GRID2: variants seen among roughly 807,000 people sequenced by gnomAD.
GRID2 encodes the protein glutamate ionotropic receptor delta type subunit 2.
In GRID2, 33 loss-of-function variants were observed where a neutral mutation model predicts 114.8. The observed-to-expected ratio is 0.29, with a 90% confidence interval of 0.22 to 0.38. The LOEUF is 0.38. Among genes scored for constraint, GRID2 ranks in the 10% least tolerant of loss-of-function variants. The pLI, the probability that GRID2 is intolerant of heterozygous loss-of-function variation, is 1.00. For synonymous variants in GRID2, 505 were observed against 449.9 expected (o/e 1.12, Z -1.55); for missense variants, 1,184 against 1,257.7 (o/e 0.94, Z 0.89).
intron 2 of GRID2, among the ~76,000 whole-genome samples, chr4:92,656,944 C>T (rs1732273424): frequency 6.6e-6 from 1 of 151,518 alleles, no homozygotes; most frequent in Non-Finnish European, 1.5e-5. Flanking sequence ...ATAGAGGATG[C>T]TAAAACAGAA....
At chr4:93,713,378 T>C (rs1046369689) in intron 14 of GRID2, among the ~76,000 whole-genome samples, 10 of 152,214 alleles carry the variant, frequency 6.6e-5, no homozygotes, top group Non-Finnish European at 1.2e-4. Context: ...AAAAAAATAG[T>C]TGGGGAGTTC....
intron 1 of GRID2, among the ~76,000 whole-genome samples, chr4:92,374,442 G>A (rs1346506993): frequency 6.6e-6 from 1 of 152,036 alleles, no homozygotes; most frequent in Admixed American, 6.6e-5. Context: ...TTTCTTAAAT[G>A]GGTTTTATTG....
At chr4:92,870,098 G>A (rs1745163591) in intron 2 of GRID2, among the ~76,000 whole-genome samples, 1 of 151,862 alleles carries the variant, frequency 6.6e-6, no homozygotes, top group Non-Finnish European at 1.5e-5. Context: ...CTACTTGGAA[G>A]ACTGAGGCAG....
intron 1 of GRID2, among the ~76,000 whole-genome samples, chr4:92,388,664 T>C (rs1282439597): frequency 6.6e-6 from 1 of 152,062 alleles, no homozygotes; most frequent in Non-Finnish European, 1.5e-5. Flanking sequence ...ACACTAAATA[T>C]TGAGAACTCC....
chr4:93,228,621 A>G (rs185002628), intron 7 of GRID2, among the ~76,000 whole-genome samples: 2 of 152,302 alleles, frequency 1.3e-5, no homozygotes, highest in Admixed American at 1.3e-4. Context: ...TGAAAAATGA[A>G]TAAGTCTAAT....
intron 2 of GRID2, among the ~76,000 whole-genome samples, chr4:92,608,315 A>T (rs1729561020): frequency 6.6e-6 from 1 of 151,844 alleles, no homozygotes; most frequent in South Asian, 2.1e-4. Flanking sequence ...ATTAATAAAG[A>T]TATCAATCTT....
intron 2 of GRID2, among the ~76,000 whole-genome samples, chr4:92,767,803 G>T (rs1738338987): frequency 6.6e-6 from 1 of 151,944 alleles, no homozygotes; most frequent in Non-Finnish European, 1.5e-5. Context: ...CTACTGGGAG[G>T]GTTGTGGCAG....
chr4:92,782,398 A>AGG (rs750285336), intron 2 of GRID2, among the ~76,000 whole-genome samples: 15 of 152,112 alleles, frequency 9.9e-5, no homozygotes, highest in Admixed American at 2.0e-4. Context: ...CCATTTTACA[A>AGG]AATCAAGATG....
chr4:92,883,006 A>T (rs1188641513), intron 2 of GRID2, among the ~76,000 whole-genome samples: 5 of 152,274 alleles, frequency 3.3e-5, no homozygotes, highest in African/African-American at 1.2e-4. Context: ...TGCCACATTG[A>T]TTGACTCTTC....
At chr4:92,643,226 C>G (rs1442446926) in intron 2 of GRID2, among the ~76,000 whole-genome samples, 1 of 151,640 alleles carries the variant, frequency 6.6e-6, no homozygotes, top group African/African-American at 2.4e-5. Flanking sequence ...TTCTTCTAAT[C>G]CATGAACATG....
chr4:92,892,274 G>A (rs544275433), intron 2 of GRID2, among the ~76,000 whole-genome samples: 1 of 151,946 alleles, frequency 6.6e-6, no homozygotes, highest in Non-Finnish European at 1.5e-5. Context: ...ATGTTGGCCT[G>A]GCTGGTCTTG....
chr4:92,565,305 G>A lies in GRID2; in HGVS notation c.89-24826G>A, dbSNP rs114370062. Among the ~76,000 whole-genome samples, 1,018 of 152,024 alleles carry A rather than the reference G, an allele frequency of 6.7e-3. 11 individuals carry two copies. Among genetic ancestry groups the A allele is most frequent in the African/African-American group, 0.021 (886 of 41,522 alleles). The stretch of plus-strand genomic sequence containing the variant: ...CCAGGCTGGAAACAATATAAACATT[G>A]TAAAAATATGTGAATCAACACTGTC... On this transcript the variant is annotated intron_variant, in intron 1 of 15. Coordinates refer to ENST00000282020, the MANE Select transcript of GRID2 (RefSeq NM_001510.4).
intron 2 of GRID2, among the ~76,000 whole-genome samples, chr4:92,951,003 T>C (rs1751992277): frequency 2.0e-5 from 3 of 152,148 alleles, no homozygotes; most frequent in African/African-American, 2.4e-5. Flanking sequence ...GTTAGAAAAA[T>C]CTAAATATTG....
chr4:92,778,405 A>G (rs1207754386), intron 2 of GRID2, among the ~76,000 whole-genome samples: 1 of 151,994 alleles, frequency 6.6e-6, no homozygotes, highest in Non-Finnish European at 1.5e-5. Context: ...GTATATTCCT[A>G]ATGCTCCTGA....
chr4:92,328,788 GA>G (rs1214365498), intron 1 of GRID2, among the ~76,000 whole-genome samples: 1 of 152,004 alleles, frequency 6.6e-6, no homozygotes, highest in Non-Finnish European at 1.5e-5. Context: ...TGTAAGAAAT[GA>G]ATCTTTTAGG....
At chr4:93,562,233 G>C (rs1317247586) in intron 13 of GRID2, among the ~76,000 whole-genome samples, 1 of 151,614 alleles carries the variant, frequency 6.6e-6, no homozygotes, top group Admixed American at 6.6e-5. Context: ...ATAGTGTGTA[G>C]TGATAGCTCA....
intron 2 of GRID2, among the ~76,000 whole-genome samples, chr4:92,909,521 T>C (rs1280490461): frequency 6.6e-6 from 1 of 152,102 alleles, no homozygotes; most frequent in Non-Finnish European, 1.5e-5. Flanking sequence ...CCACTCCCAT[T>C]TGCCTAACGC....
At chr4:93,089,373 G>C (rs957858937) in intron 3 of GRID2, among the ~76,000 whole-genome samples, 1 of 152,178 alleles carries the variant, frequency 6.6e-6, no homozygotes, top group Non-Finnish European at 1.5e-5. Context: ...GCATGGAAAT[G>C]AGAAAGTCAT....
intron 2 of GRID2, among the ~76,000 whole-genome samples, chr4:92,678,495 T>G (rs976692397): frequency 1.3e-5 from 2 of 152,092 alleles, no homozygotes; most frequent in Non-Finnish European, 2.9e-5. Context: ...AAGTCTGAAG[T>G]AATTCAATAC....
Sources: allele counts gnomAD v4.1 joint callset (sites outside exome capture counted in the v4.1 genomes callset), GRCh38; gene constraint gnomAD v4.1.1; transcripts MANE v1.5; gene names NCBI Gene and HGNC (gene_info 2026-07-23, HGNC 2026-07-21).